PHF21A: variants seen among roughly 807,000 people sequenced by gnomAD.
PHF21A encodes BHC80a.
Under a neutral mutation model 82.5 loss-of-function variants are expected in PHF21A, and 11 were observed. The ratio of observed to expected loss-of-function variants is 0.13; its 90% CI spans 0.08 to 0.22. PHF21A has a LOEUF of 0.22. PHF21A is among the 10% of genes least tolerant of loss of function. The pLI is 1.00. For missense variants in PHF21A, 579 were observed against 837.8 expected (o/e 0.69, Z 3.81); for synonymous variants, 297 against 302.8 (o/e 0.98, Z 0.20).
chr11:45,975,264 T>C, intron 7 of PHF21A, among the ~76,000 whole-genome samples: 1 of 151,592 alleles, frequency 6.6e-6, no homozygotes, highest in East Asian at 1.9e-4. Flanking sequence ...AGGTGAACCG[T>C]AATTGCACCA....
At chr11:46,039,904 T>A (rs760786916) in intron 6 of PHF21A, among the ~76,000 whole-genome samples, 3 of 152,240 alleles carry the variant, frequency 2.0e-5, no homozygotes, top group Non-Finnish European at 2.9e-5. Flanking sequence ...GCTTTCTGCA[T>A]CTTCCCAAGA....
At chr11:46,056,378 T>C (rs1186681806) in intron 6 of PHF21A, among the ~76,000 whole-genome samples, 1 of 152,168 alleles carries the variant, frequency 6.6e-6, no homozygotes, top group African/African-American at 2.4e-5. Flanking sequence ...ACTCCAATTA[T>C]GTCTGGGTTA....
At chr11:45,984,726 C>T (rs2094436479) in intron 6 of PHF21A, among the ~76,000 whole-genome samples, 1 of 152,162 alleles carries the variant, frequency 6.6e-6, no homozygotes, top group Non-Finnish European at 1.5e-5. Flanking sequence ...TTTTAGAAAG[C>T]TTCTCTCAAA....
intron 11 of PHF21A, among the ~76,000 whole-genome samples, chr11:45,952,566 T>C (rs2092261287): frequency 6.6e-6 from 1 of 152,250 alleles, no homozygotes. Context: ...TCAGCAATTT[T>C]TGTGACTAGT....
chr11:46,099,523 G>GAC (rs71038882), intron 1 of PHF21A, among the ~76,000 whole-genome samples: 14,575 of 137,562 alleles, frequency 0.11, 1,503 homozygotes, highest in East Asian at 0.41. Context: ...AGAAAAATTA[G>GAC]ACACACACAC....
chr11:45,940,553 G>A (rs562785427), intron 15 of PHF21A, among the ~76,000 whole-genome samples: 1 of 152,296 alleles, frequency 6.6e-6, no homozygotes, highest in South Asian at 2.1e-4. Context: ...GATAACATAT[G>A]TTCTAAAATA....
At chr11:45,972,827 T>C (rs2093836862) in intron 7 of PHF21A, among the ~76,000 whole-genome samples, 1 of 152,156 alleles carries the variant, frequency 6.6e-6, no homozygotes, top group Admixed American at 6.5e-5. Context: ...GGCAAGAGAA[T>C]TGCTTGAACC....
intron 6 of PHF21A, among the ~76,000 whole-genome samples, chr11:46,071,593 T>C (rs1387161352): frequency 6.6e-6 from 1 of 152,200 alleles, no homozygotes; most frequent in East Asian, 1.9e-4. Flanking sequence ...AAAACACTAG[T>C]TTCTGATGCA....
chr11:45,965,451 A>G lies in PHF21A; in HGVS notation c.860T>C (p.Val287Ala), dbSNP rs1251800111. 3 of 1,614,056 alleles carry G rather than the reference A, an allele frequency of 1.9e-6. No homozygotes were observed. Among genetic ancestry groups the G allele is most frequent in the Non-Finnish European group, 2.5e-6 (3 of 1,180,008 alleles). Reference sequence around the variant, plus strand: ...TATGGTTGCAGTCTGCCCATTGACGACACGGACGGGGTGGATGGAATTCTG... The same window carrying G: ...TATGGTTGCAGTCTGCCCATTGACGGCACGGACGGGGTGGATGGAATTCTG... ...TSQNSIHPVRVVNGQTATIAK... is the reference protein window; with the variant it reads ...TSQNSIHPVRAVNGQTATIAK... Residue 287 changes from valine to alanine, a missense_variant, in exon 10 of 19, where the codon GTC (valine) becomes GCC (alanine). Around this residue, in one of 3 missense-constraint regions of PHF21A, gnomAD observed 410 missense variants for 642.1 expected, o/e 0.64. Transcript: ENST00000676320.
chr11:46,102,273 C>T (rs1181541095), intron 1 of PHF21A, among the ~76,000 whole-genome samples: 3 of 152,208 alleles, frequency 2.0e-5, no homozygotes, highest in Non-Finnish European at 4.4e-5. Flanking sequence ...TTAAATCCAG[C>T]AGAGACATTA....
At chr11:46,067,738 C>A (rs1166329035) in intron 6 of PHF21A, among the ~76,000 whole-genome samples, 1 of 152,164 alleles carries the variant, frequency 6.6e-6, no homozygotes, top group African/African-American at 2.4e-5. Context: ...ACTTGCTGCT[C>A]ATCTACCATT....
intron 6 of PHF21A, among the ~76,000 whole-genome samples, chr11:46,004,489 T>C (rs2095243146): frequency 1.3e-5 from 2 of 152,180 alleles, no homozygotes; most frequent in Non-Finnish European, 2.9e-5. Flanking sequence ...AAGATTATAT[T>C]AAAAGCTACT....
At chr11:46,002,758 C>T (rs1241950767) in intron 6 of PHF21A, among the ~76,000 whole-genome samples, 5 of 151,988 alleles carry the variant, frequency 3.3e-5, no homozygotes, top group Admixed American at 6.6e-5. Context: ...TTTAGAGGCA[C>T]CCCCTCAAAC....
chr11:45,977,472 C>T (rs2136228205), intron 7 of PHF21A, among the ~76,000 whole-genome samples: 1 of 152,238 alleles, frequency 6.6e-6, no homozygotes, highest in East Asian at 1.9e-4. Context: ...GTTACTTGAA[C>T]AGGATGTTTC....
intron 1 of PHF21A, among the ~76,000 whole-genome samples, chr11:46,107,850 T>C (rs2097168781): frequency 1.4e-5 from 2 of 146,416 alleles, no homozygotes; most frequent in Non-Finnish European, 3.0e-5. Context: ...AATAACTTAC[T>C]TTTTTTTTTT....
intron 6 of PHF21A, among the ~76,000 whole-genome samples, chr11:46,010,541 G>A (rs2137347584): frequency 6.6e-6 from 1 of 152,306 alleles, no homozygotes; most frequent in South Asian, 2.1e-4. Flanking sequence ...ATAGTGGTAT[G>A]AATAACTCAA....
intron 7 of PHF21A, among the ~76,000 whole-genome samples, chr11:45,979,206 A>G (rs1232514341): frequency 1.3e-5 from 2 of 152,032 alleles, no homozygotes; most frequent in African/African-American, 2.4e-5. Flanking sequence ...TTTAGTAGAA[A>G]TGAAGTTTCA....
chr11:45,958,691 G>T (rs1323984262), intron 10 of PHF21A, among the ~76,000 whole-genome samples: 1 of 151,614 alleles, frequency 6.6e-6, no homozygotes, highest in Non-Finnish European at 1.5e-5. Context: ...CAAGGTCGGG[G>T]GATCACTTGA....
chr11:46,023,486 A>G (rs2095671440), intron 6 of PHF21A, among the ~76,000 whole-genome samples: 1 of 152,196 alleles, frequency 6.6e-6, no homozygotes, highest in African/African-American at 2.4e-5. Flanking sequence ...CTTTCTAGAA[A>G]GGGTTAGGTC....
Sources: allele counts gnomAD v4.1 joint callset (sites outside exome capture counted in the v4.1 genomes callset), GRCh38; gene constraint gnomAD v4.1.1; regional missense constraint gnomAD v4.1.1; transcripts MANE v1.5; gene names NCBI Gene and HGNC (gene_info 2026-07-23, HGNC 2026-07-21).